Variants in DOCK7 observed in about 807,000 individuals in gnomAD.
The protein encoded by DOCK7 is dedicator of cytokinesis protein 7.
DOCK7 carries 138 observed loss-of-function variants against 271.0 expected under a neutral mutation model. The observed-to-expected ratio is 0.51, with a 90% CI of 0.44 to 0.59. The LOEUF (loss-of-function observed/expected upper bound fraction) is 0.59, where lower values mean the gene tolerates loss of function less well. DOCK7 is among the 20% of genes least tolerant of loss of function. The probability of loss-of-function intolerance (pLI) is 0.00; values close to 1 mark genes in which losing one functional copy is unlikely to be tolerated. For missense variants in DOCK7, 2,066 were observed against 2,592.4 expected, an observed-to-expected ratio of 0.80 and a Z score of 4.41; for synonymous variants, 823 against 876.1, an observed-to-expected ratio of 0.94 and a Z score of 1.07.
intron 21 of DOCK7, 152 bp from the exon 22 acceptor site, chr1:62,553,053 T>TTTTTG (rs58688111): frequency 2.6e-6 from 1 of 389,708 alleles, no homozygotes; most frequent in Admixed American, 6.4e-5. Flanking sequence ...TTTTTTTTTT[T>TTTTTG]GAGACAGAGT....
In DOCK7 at chr1:62,513,773, C is replaced by A; in HGVS notation, c.4062G>T (p.Leu1354Phe). Residue 1354 changes from leucine (L) to phenylalanine (F), a missense_variant, in exon 32 of 50, where the codon TTG becomes TTT. By Grantham distance (22) the Leu-to-Phe change is conservative (BLOSUM62 0). This residue lies in a region of DOCK7 where 1,414 missense variants were observed against 1,670.4 expected (regional missense o/e 0.85). Coordinates refer to ENST00000635253, the MANE Select transcript of DOCK7 (RefSeq NM_001367561.1). The part of the protein sequence containing the change: ...LQKWFTDLSV[L>F]QLNRLLDLLY... ...GCAGATCTAATAGCCGGTTTAGCTG[C>A]AAGACTGAGAGATCTGTAAACCACT... 1 of 1,614,102 alleles carries A rather than the reference C, an allele frequency of 6.2e-7. No homozygotes were observed. The highest frequency in any genetic ancestry group is 8.5e-7 in the Non-Finnish European group (1 of 1,180,000).
At chr1:62,677,800 A>C (rs1426598994) in intron 1 of DOCK7, among the ~76,000 whole-genome samples, 1 of 152,240 alleles carries the variant, frequency 6.6e-6, no homozygotes, top group Non-Finnish European at 1.5e-5. Flanking sequence ...TCATTAGACC[A>C]GTGAAACACA....
At chr1:62,479,675 T>A (rs1282362819) in intron 43 of DOCK7, 2 of 334,582 alleles carry the variant, frequency 6.0e-6, no homozygotes, top group African/African-American at 4.2e-5. Flanking sequence ...TTTTGTTTTT[T>A]ATTTATTTTT....
chr1:62,477,728 T>G lies in DOCK7; in HGVS notation c.5606A>C (p.Lys1869Thr). ...CAATCTGTGAGATATCTCTGCAAGT[T>G]TGGTTATTGCAGGCTCCTTGTAAAC... ...EFVYKEPAIT[K>T]LAEISHRLEG... is the part of the protein sequence containing the mutation. The change falls in exon 44 of 50, where the codon AAA becomes ACA. Residue 1869 changes from lysine to threonine, a missense_variant. Physicochemically the swap from Lys to Thr is moderately conservative, Grantham distance 78. This residue lies in a region of DOCK7 where 652 missense variants were observed against 922.1 expected (regional missense o/e 0.71). Coordinates refer to ENST00000635253, the MANE Select transcript of DOCK7 (RefSeq NM_001367561.1). The G allele has an allele frequency of 6.2e-7, 1 of 1,607,842 alleles. No individual in the cohort carries two copies. Among genetic ancestry groups the G allele is most frequent in the Non-Finnish European group, 8.5e-7 (1 of 1,178,180 alleles).
intron 22 of DOCK7, among the ~76,000 whole-genome samples, chr1:62,552,305 C>T (rs1470524876): frequency 6.6e-6 from 1 of 152,146 alleles, no homozygotes; most frequent in Admixed American, 6.5e-5. Context: ...GAGTATCACT[C>T]TTTCTAGTTT....
intron 7 of DOCK7, among the ~76,000 whole-genome samples, chr1:62,637,638 C>G (rs1482669533): frequency 6.6e-6 from 1 of 152,124 alleles, no homozygotes; most frequent in Non-Finnish European, 1.5e-5. Flanking sequence ...GAATCGAGGA[C>G]CTTGTAGAAA....
At chr1:62,532,908 G>A (rs553137125) in intron 29 of DOCK7, among the ~76,000 whole-genome samples, 2 of 152,274 alleles carry the variant, frequency 1.3e-5, no homozygotes, top group East Asian at 3.9e-4. Context: ...CAGATACACA[G>A]GGCCTTAAGA....
At chr1:62,524,074 T>TTTGCTTCAA (rs1246507745) in intron 31 of DOCK7, among the ~76,000 whole-genome samples, 2 of 152,048 alleles carry the variant, frequency 1.3e-5, no homozygotes, top group Non-Finnish European at 2.9e-5. Context: ...CAAAGAACTC[T>TTTGCTTCAA]AGACACTTCA....
intron 43 of DOCK7, chr1:62,482,112 TAAC>T (rs990837851): frequency 2.0e-5 from 3 of 152,204 alleles, no homozygotes; most frequent in African/African-American, 7.2e-5. Flanking sequence ...TAAATCATAT[TAAC>T]AACAAAAATA....
At chr1:62,626,607 T>C (rs1047159595) in intron 11 of DOCK7, among the ~76,000 whole-genome samples, 45 of 152,148 alleles carry the variant, frequency 3.0e-4, no homozygotes, top group African/African-American at 1.1e-3. Context: ...TGAACAACTG[T>C]AGGCCAACAC....
At chr1:62,544,869 T>G in intron 23 of DOCK7, 78 bp downstream of exon 23, 1 of 1,133,576 alleles carries the variant, frequency 8.8e-7, no homozygotes, top group Non-Finnish European at 1.2e-6. Flanking sequence ...GCCACTGAAA[T>G]CATAGTATAT....
In DOCK7 at chr1:62,604,360, C is replaced by T. The variant is rs376536616; in HGVS notation, c.1682+14346G>A. The T allele has an allele frequency of 1.4e-4, 164 of 1,186,578 alleles. 1 individual carries two copies. The East Asian group carries it at 3.2e-3, about 23-fold the overall frequency. The allele number at this position is 1,186,578 out of a possible 1,614,324, so 73.5% of individuals were successfully genotyped here. A position where few individuals can be genotyped will look rare whatever the true frequency, so the allele number is the denominator to read the frequency against. ...CCCAAATAAGCGTTTTCTCTCTAGA[C>T]GAAAACCTCTTAACTATAATGAAAG... On this transcript the variant is annotated intron_variant, in intron 14 of 49. Transcript: ENST00000635253.
Position 62,528,197 on chromosome 1 carries a change from G to C in DOCK7, c.3890C>G (p.Ser1297Trp). Residue 1297 changes from serine to tryptophan, a missense_variant, in exon 31 of 50, where the codon TCG (serine) becomes TGG (tryptophan). Around this residue, in one of 2 missense-constraint regions of DOCK7, gnomAD observed 1,414 missense variants for 1,670.4 expected, o/e 0.85. Coordinates refer to ENST00000635253, the MANE Select transcript of DOCK7 (RefSeq NM_001367561.1). ...QTVAMAIAGT[S>W]VPQLTRPGSF... ...GCCAGGCCTTGTTAGTTGAGGGACCGATGTCCCTGCGATTGCCATGGCAAC... is the reference window on the plus strand; with the variant it reads ...GCCAGGCCTTGTTAGTTGAGGGACCCATGTCCCTGCGATTGCCATGGCAAC... 1 of 1,613,552 alleles carries C rather than the reference G, an allele frequency of 6.2e-7. No individual in the cohort carries two copies. The highest frequency in any genetic ancestry group is 8.5e-7 in the Non-Finnish European group (1 of 1,179,732).
chr1:62,529,466 CAAAG>C lies in DOCK7; in HGVS notation c.3612-24_3612-21del, dbSNP rs1645111099. ...AACAGTCTATTTAAAAAGAAGAAGA[CAAAG>C]AAGAAAAAGCAGTAAGGCCACAGAG... On this transcript the variant is annotated intron_variant, in intron 29 of 49. Coordinates refer to ENST00000635253, the MANE Select transcript of DOCK7 (RefSeq NM_001367561.1). The C allele has an allele frequency of 1.3e-6, 2 of 1,577,374 alleles. No homozygotes were observed. The highest frequency in any genetic ancestry group is 1.7e-6 in the Non-Finnish European group (2 of 1,162,442).
At chr1:62,646,527 A>G (rs918858128) in intron 7 of DOCK7, among the ~76,000 whole-genome samples, 1 of 152,164 alleles carries the variant, frequency 6.6e-6, no homozygotes, top group Non-Finnish European at 1.5e-5. Flanking sequence ...TGGTATCCTT[A>G]TAAGAAGAGG....
chr1:62,543,749 T>C lies in DOCK7; in HGVS notation c.2860-4A>G, dbSNP rs1557692929. On this transcript the variant is annotated splice_polypyrimidine_tract_variant and splice_region_variant and intron_variant, in intron 23 of 49. Coordinates refer to ENST00000635253, the MANE Select transcript of DOCK7 (RefSeq NM_001367561.1). ...GATTACAACTTCGATCCATAGCCTA[T>C]GGAGTGAAGATGAATGAATGACGAG... 3 of 1,573,596 alleles carry C rather than the reference T, an allele frequency of 1.9e-6. No individual in the cohort carries two copies. Among genetic ancestry groups the C allele is most frequent in the Admixed American group, 1.7e-5 (1 of 59,508 alleles).
At chr1:62,614,836 TGACTTTAAGAGAAG>T (rs1251466938) in intron 14 of DOCK7, among the ~76,000 whole-genome samples, 1 of 151,926 alleles carries the variant, frequency 6.6e-6, no homozygotes, top group African/African-American at 2.4e-5. Flanking sequence ...TTGGAAACTG[TGACTTTAAGAGAAG>T]GACTTTAAGG....
At chr1:62,471,815 T>C (rs1291526108) in intron 48 of DOCK7, among the ~76,000 whole-genome samples, 1 of 152,212 alleles carries the variant, frequency 6.6e-6, no homozygotes, top group Non-Finnish European at 1.5e-5. Context: ...CCATTAAAAT[T>C]ATAGTTTAAA....
At chr1:62,533,108 T>C (rs373898154) in intron 29 of DOCK7, among the ~76,000 whole-genome samples, 28 of 151,130 alleles carry the variant, frequency 1.9e-4, no homozygotes, top group African/African-American at 6.4e-4. Flanking sequence ...GAGCCCCCCC[T>C]CCCTCTATAT....
Sources: gnomAD v4.1 joint callset for allele counts (sites outside exome capture counted in the v4.1 genomes callset) on GRCh38, gnomAD v4.1.1 for gene constraint, gnomAD v4.1.1 regional missense constraint, MANE v1.5 for transcripts, NCBI Gene and HGNC (gene_info 2026-07-23, HGNC 2026-07-21) for gene names.